Variants in ELOVL2 observed in about 807,000 individuals in gnomAD.
The protein encoded by ELOVL2 is very long chain fatty acid elongase 2.
Under a neutral mutation model 37.7 loss-of-function variants are expected in ELOVL2, and 38 were observed. The observed-to-expected ratio is 1.01, with a 90% CI of 0.78 to 1.32. The LOEUF (loss-of-function observed/expected upper bound fraction) is 1.32, where lower values mean the gene tolerates loss of function less well. ELOVL2 is among the 40% of genes most tolerant of loss of function. The probability of loss-of-function intolerance (pLI) is 0.00; values close to 1 mark genes in which losing one functional copy is unlikely to be tolerated. For synonymous variants in ELOVL2, 115 were observed against 122.3 expected (o/e 0.94, Z 0.40); for missense variants, 352 against 363.6 (o/e 0.97, Z 0.26).
chr6:11,033,077 C>G (rs1280034796), intron 1 of ELOVL2, among the ~76,000 whole-genome samples: 1 of 152,168 alleles, frequency 6.6e-6, no homozygotes, highest in Non-Finnish European at 1.5e-5. Context: ...ACACAGTAAA[C>G]TTCATTCCAG....
rs753067950 is a variant in ELOVL2 at position 10,995,132 on chromosome 6, A to T, written c.380T>A (p.Phe127Tyr). ...CAAAACGAAGAAAATTGTGTCCAGG[A>T]ACTCTACTGATTTGGAGAAATAGTA... ...WWYYFSKSVE[F>Y]LDTIFFVLRK... Residue 127 changes from phenylalanine (F) to tyrosine (Y), a missense_variant, in exon 5 of 8, where the codon TTC becomes TAC. Phe to Tyr is a conservative substitution (Grantham distance 22). Coordinates refer to ENST00000354666, the MANE Select transcript of ELOVL2 (RefSeq NM_017770.4). 6.2e-7 allele frequency: 1 copy of T among 1,613,608 alleles called. No individual in the cohort carries two copies. Among genetic ancestry groups the T allele is most frequent in the Non-Finnish European group, 8.5e-7 (1 of 1,179,708 alleles).
rs545701170 is a variant in ELOVL2 at position 11,032,903 on chromosome 6, A to G, written c.3+11325T>C. 1.8e-4 allele frequency among the ~76,000 whole-genome samples: 27 copies of G among 152,322 alleles called. No individual in the cohort carries two copies. The South Asian group carries it at 5.6e-3, about 32-fold the overall frequency. On this transcript the variant is annotated intron_variant, in intron 1 of 7. Transcript: ENST00000354666. ...ACATATGGTATTCTAACTTACTATC[A>G]CTAGGAATGTGGTAGAAAGTTCCTC... is the stretch of plus-strand genomic sequence containing the variant.
intron 1 of ELOVL2, among the ~76,000 whole-genome samples, chr6:11,016,608 A>C (rs1431658181): frequency 2.0e-5 from 3 of 152,170 alleles, no homozygotes; most frequent in Non-Finnish European, 2.9e-5. Flanking sequence ...TACAGAACTG[A>C]GAGAAGAGGA....
At position 11,005,426 on chromosome 6, in the gene ELOVL2, G is replaced by A. The variant is rs906070268; in HGVS notation, c.201C>T (p.Ile67=). ...KNRPALSLRG[I]LTLYNLGITL... Reference sequence around the variant, plus strand: ...TGATTCCAAGATTATACAAGGTGAGGATACCCCTGAGAGAAAGAGCAGGTC... The same window carrying A: ...TGATTCCAAGATTATACAAGGTGAGAATACCCCTGAGAGAAAGAGCAGGTC... The change falls in exon 3 of 8, where the codon ATC becomes ATT. Residue 67 remains isoleucine, a synonymous_variant. Coordinates refer to ENST00000354666, the MANE Select transcript of ELOVL2 (RefSeq NM_017770.4). 6.2e-7 allele frequency: 1 copy of A among 1,614,112 alleles called. No individual in the cohort carries two copies. The highest frequency in any genetic ancestry group is 8.5e-7 in the Non-Finnish European group (1 of 1,180,004).
At chr6:10,993,908 T>A (rs1321715366) in intron 5 of ELOVL2, among the ~76,000 whole-genome samples, 19 of 138,700 alleles carry the variant, frequency 1.4e-4, no homozygotes, top group African/African-American at 5.1e-4. Flanking sequence ...GATTTTGCCA[T>A]GTTGCCCAGG....
rs1289760943 is a variant in ELOVL2, at chr6:11,044,079, C to A, written c.3+149G>T. The A allele has an allele frequency of 3.8e-6, 4 of 1,045,492 alleles. No homozygotes were observed. The highest frequency in any genetic ancestry group is 4.5e-5 in the Admixed American group (1 of 22,038). The allele number at this position is 1,045,492 out of a possible 1,614,324, so 64.8% of individuals were successfully genotyped here. A position where few individuals can be genotyped will look rare whatever the true frequency, so the allele number is the denominator to read the frequency against. On this transcript the variant is annotated intron_variant, in intron 1 of 7. Coordinates refer to ENST00000354666, the MANE Select transcript of ELOVL2 (RefSeq NM_017770.4). The surrounding 1 kb of genome is among the most constrained non-coding windows in gnomAD (Gnocchi z 5.6). ...TCAGCTCCCGCTCCCCAGGCCCGCG[C>A]GGACCCGGCCCCTCCGAGGGTAGCG...
chr6:11,044,165 T>C lies in ELOVL2; in HGVS notation c.3+63A>G, dbSNP rs549201403. 3.5e-4 allele frequency: 509 copies of C among 1,434,968 alleles called. No homozygotes were observed. Among genetic ancestry groups the C allele is most frequent in the Middle Eastern group, 1.6e-3 (6 of 3,864 alleles). The allele number at this position is 1,434,968 out of a possible 1,614,324, so 88.9% of individuals were successfully genotyped here. ...GCCCGCTCGGCCCTTTCCCGCCCGG[T>C]GCGTGGGTCCAGGAGAGAAAGAAAG... On this transcript the variant is annotated intron_variant, in intron 1 of 7. Transcript: ENST00000354666. The surrounding 1 kb of genome is among the most constrained non-coding windows in gnomAD (Gnocchi z 5.6).
At chr6:11,005,789 G>A (rs1782472141) in intron 2 of ELOVL2, among the ~76,000 whole-genome samples, 2 of 152,160 alleles carry the variant, frequency 1.3e-5, no homozygotes, top group Non-Finnish European at 2.9e-5. Context: ...GAATGAAAGG[G>A]ACAAGAAGTA....
intron 1 of ELOVL2, among the ~76,000 whole-genome samples, chr6:11,024,560 C>T (rs1171772459): frequency 1.3e-5 from 2 of 152,134 alleles, no homozygotes; most frequent in South Asian, 4.1e-4. Context: ...CTCCAAGGCC[C>T]CTTCTAGCTC....
At chr6:11,019,694 C>G (rs964878825) in intron 1 of ELOVL2, among the ~76,000 whole-genome samples, 11 of 150,342 alleles carry the variant, frequency 7.3e-5, no homozygotes, top group African/African-American at 2.7e-4. Context: ...GAGGGACTAA[C>G]TTTTTACTCT....
chr6:10,999,937 A>G, intron 4 of ELOVL2, 150 bp downstream of exon 4: 1 of 691,890 alleles, frequency 1.4e-6, no homozygotes, highest in Non-Finnish European at 2.5e-6. Context: ...GGATAGTTGG[A>G]AATCATCTTT....
At chr6:10,994,162 T>TA (rs1167479120) in intron 5 of ELOVL2, among the ~76,000 whole-genome samples, 2 of 150,882 alleles carry the variant, frequency 1.3e-5, no homozygotes, top group East Asian at 1.9e-4. Flanking sequence ...GACCCTGTCT[T>TA]AAAAAAATAA....
chr6:10,990,994 C>T (rs911516904), intron 5 of ELOVL2, among the ~76,000 whole-genome samples: 8 of 152,140 alleles, frequency 5.3e-5, no homozygotes, highest in Admixed American at 1.3e-4. Flanking sequence ...GCTGGAGTGG[C>T]GGAGAAACTG....
chr6:11,005,737 G>A (rs539164705), intron 2 of ELOVL2, among the ~76,000 whole-genome samples, 178 bp from the exon 3 acceptor site: 131 of 152,240 alleles, frequency 8.6e-4, no homozygotes, highest in African/African-American at 2.9e-3. Context: ...GGGCTGAATC[G>A]GTAAAGGTTT....
At position 11,010,817 on chromosome 6, in the gene ELOVL2, G is replaced by T. The variant is rs1484064965; in HGVS notation, c.4-8C>A. On this transcript the variant is annotated splice_region_variant and splice_polypyrimidine_tract_variant and intron_variant, in intron 1 of 7. Transcript: ENST00000354666. ...AAAGGCCTTTAGATGTTCCTAAAAA[G>T]AGAAAGAAAAAATGATTTAAGTGTT... 1.3e-6 allele frequency: 2 copies of T among 1,597,198 alleles called. No individual in the cohort carries two copies. The highest frequency in any genetic ancestry group is 1.7e-6 in the Non-Finnish European group (2 of 1,173,690).
At chr6:11,006,888 C>T (rs934064288) in intron 2 of ELOVL2, among the ~76,000 whole-genome samples, 3 of 152,190 alleles carry the variant, frequency 2.0e-5, no homozygotes, top group Admixed American at 2.0e-4. Flanking sequence ...GATAAAGGTC[C>T]TGACTTCTGA....
chr6:11,022,894 T>C (rs973131103), intron 1 of ELOVL2, among the ~76,000 whole-genome samples: 20 of 152,186 alleles, frequency 1.3e-4, no homozygotes, highest in African/African-American at 3.6e-4. Context: ...TCCAAGAGTA[T>C]GGAAATAAAA....
At chr6:11,024,282 C>T (rs1782808890) in intron 1 of ELOVL2, among the ~76,000 whole-genome samples, 2 of 152,206 alleles carry the variant, frequency 1.3e-5, no homozygotes, top group African/African-American at 4.8e-5. Flanking sequence ...TTGTGTCACA[C>T]ACAATCTTCT....
At chr6:11,043,426 C>CACACAT (rs1247326199) in intron 1 of ELOVL2, 4 of 152,418 alleles carry the variant, frequency 2.6e-5, no homozygotes, top group African/African-American at 1.0e-4. Flanking sequence ...CACACACACA[C>CACACAT]ACACACAGCT....
Sources: allele counts gnomAD v4.1 joint callset (sites outside exome capture counted in the v4.1 genomes callset), GRCh38; gene constraint gnomAD v4.1.1; non-coding constraint Gnocchi (gnomAD v3.1); transcripts MANE v1.5; gene names NCBI Gene and HGNC (gene_info 2026-07-23, HGNC 2026-07-21).